SKAP2: variants seen among roughly 807,000 people sequenced by gnomAD.
SKAP2 encodes the protein src kinase associated phosphoprotein 2, also known as src kinase-associated phosphoprotein 2.
A neutral mutation model predicts 54.9 loss-of-function variants in SKAP2; 28 were observed. The ratio of observed to expected loss-of-function variants is 0.51; its 90% CI spans 0.38 to 0.70. SKAP2 has a LOEUF of 0.70. SKAP2 is among the 30% of genes least tolerant of loss of function. The probability of loss-of-function intolerance (pLI) is 0.00; values close to 1 mark genes in which losing one functional copy is unlikely to be tolerated. For missense variants in SKAP2, 356 were observed against 424.1 expected (o/e 0.84, Z 1.41); for synonymous variants, 137 against 134.3 (o/e 1.02, Z -0.14).
intron 1 of SKAP2, among the ~76,000 whole-genome samples, chr7:26,856,500 G>T (rs1785166910): frequency 6.6e-6 from 1 of 152,146 alleles, no homozygotes; most frequent in Non-Finnish European, 1.5e-5. Flanking sequence ...TAGTACCAGT[G>T]CAAATTAGAC....
chr7:26,717,068 G>A (rs1324979014), intron 9 of SKAP2, among the ~76,000 whole-genome samples: 1 of 152,172 alleles, frequency 6.6e-6, no homozygotes, highest in Non-Finnish European at 1.5e-5. Flanking sequence ...GATTCAAAGT[G>A]ATGTGTGTTT....
intron 4 of SKAP2, among the ~76,000 whole-genome samples, chr7:26,829,958 A>T (rs1784566600): frequency 6.6e-6 from 1 of 152,226 alleles, no homozygotes; most frequent in African/African-American, 2.4e-5. Context: ...ACAAATGTGC[A>T]TTATTCATAA....
chr7:26,801,013 T>TA, intron 4 of SKAP2, among the ~76,000 whole-genome samples: 1 of 151,766 alleles, frequency 6.6e-6, no homozygotes, highest in Admixed American at 6.6e-5. Context: ...GTATTACTGA[T>TA]ACCAAAACGA....
intron 11 of SKAP2, among the ~76,000 whole-genome samples, chr7:26,672,659 C>T (rs1786268195): frequency 6.6e-6 from 1 of 151,902 alleles, no homozygotes. Flanking sequence ...GAAATTAATG[C>T]ATTATGATCA....
intron 4 of SKAP2, among the ~76,000 whole-genome samples, chr7:26,823,095 A>C (rs1424198112): frequency 6.6e-6 from 1 of 152,004 alleles, no homozygotes; most frequent in Non-Finnish European, 1.5e-5. Context: ...AAGGAAAACA[A>C]AAGTGCTACT....
At chr7:26,833,541 TG>T (rs1323173768) in intron 4 of SKAP2, among the ~76,000 whole-genome samples, 2 of 151,672 alleles carry the variant, frequency 1.3e-5, no homozygotes, top group East Asian at 3.9e-4. Context: ...ACCAAGCAAA[TG>T]GAAAGCAATA....
chr7:26,676,725 TC>T (rs1400156019), intron 11 of SKAP2, among the ~76,000 whole-genome samples: 1 of 152,128 alleles, frequency 6.6e-6, no homozygotes, highest in Non-Finnish European at 1.5e-5. Context: ...CTCAAGAAGT[TC>T]AAAGTTTAGA....
At chr7:26,706,017 C>T (rs1053403950) in intron 9 of SKAP2, among the ~76,000 whole-genome samples, 1 of 152,092 alleles carries the variant, frequency 6.6e-6, no homozygotes, top group Non-Finnish European at 1.5e-5. Flanking sequence ...CTGCTAGAAA[C>T]TCAAAATATA....
intron 4 of SKAP2, among the ~76,000 whole-genome samples, chr7:26,763,039 A>G (rs1455478066): frequency 6.6e-6 from 1 of 152,200 alleles, no homozygotes; most frequent in Non-Finnish European, 1.5e-5. Context: ...AGCATTGTGC[A>G]TCTCACTGAC....
At chr7:26,759,225 C>T (rs1317585061) in intron 4 of SKAP2, among the ~76,000 whole-genome samples, 1 of 152,114 alleles carries the variant, frequency 6.6e-6, no homozygotes, top group Non-Finnish European at 1.5e-5. Context: ...ACAGCTCTAG[C>T]AACTGCTGCT....
intron 6 of SKAP2, among the ~76,000 whole-genome samples, chr7:26,731,261 A>G (rs891562959): frequency 1.3e-5 from 2 of 152,236 alleles, no homozygotes; most frequent in Non-Finnish European, 2.9e-5. Context: ...CCAAATTTTT[A>G]GCAAGCACCC....
chr7:26,728,349 G>GGA (rs1368852017), intron 6 of SKAP2, among the ~76,000 whole-genome samples: 1 of 152,072 alleles, frequency 6.6e-6, no homozygotes, highest in Non-Finnish European at 1.5e-5. Flanking sequence ...AGGCCTTCTT[G>GGA]GAGCCCTTAG....
At chr7:26,741,741 C>A (rs1487057600) in intron 4 of SKAP2, among the ~76,000 whole-genome samples, 2 of 150,822 alleles carry the variant, frequency 1.3e-5, no homozygotes, top group Non-Finnish European at 2.9e-5. Context: ...CTATTGTGTA[C>A]CCACAAAAAT....
chr7:26,713,327 T>C (rs1009728040), intron 9 of SKAP2, among the ~76,000 whole-genome samples: 3 of 152,218 alleles, frequency 2.0e-5, no homozygotes, highest in Non-Finnish European at 4.4e-5. Context: ...TCTGTAACTA[T>C]CTTAATAGGG....
rs1017188598 is a variant in SKAP2, at chr7:26,678,070, G to T, written c.987+6666C>A. On this transcript the variant is annotated intron_variant, in intron 11 of 12. Coordinates refer to ENST00000345317, the MANE Select transcript of SKAP2 (RefSeq NM_003930.5). ...CCTGGAGAAGGCACTTAATAGCTGCGTATCCTCAGATAATTTCCATAATAA... is the reference window on the plus strand; with the variant it reads ...CCTGGAGAAGGCACTTAATAGCTGCTTATCCTCAGATAATTTCCATAATAA... Among the ~76,000 whole-genome samples, 13 of 152,166 alleles carry T rather than the reference G, an allele frequency of 8.5e-5. 1 individual carries two copies. Among genetic ancestry groups the T allele is most frequent in the South Asian group, 4.1e-4 (2 of 4,826 alleles).
At chr7:26,671,347 G>T (rs556877482) in intron 11 of SKAP2, among the ~76,000 whole-genome samples, 10 of 152,124 alleles carry the variant, frequency 6.6e-5, no homozygotes, top group African/African-American at 2.2e-4. Flanking sequence ...AGATAAATGT[G>T]CATATGTATA....
chr7:26,741,388 A>ACG (rs10700195), intron 4 of SKAP2, among the ~76,000 whole-genome samples: 12,709 of 151,118 alleles, frequency 0.084, 599 homozygotes, highest in Middle Eastern at 0.16. Context: ...GTAGTGGTAT[A>ACG]CGCGCCTGCA....
At position 26,739,882 on chromosome 7, in the gene SKAP2, T is replaced by C; in HGVS notation, c.385+5A>G. On this transcript the variant is annotated splice_donor_5th_base_variant and intron_variant, in intron 5 of 12. Coordinates refer to ENST00000345317, the MANE Select transcript of SKAP2 (RefSeq NM_003930.5). ...TTACATTTTTCATTAGAACCTTCAG[T>C]TTACCTTTTCTGCGTTTTTCAAGGT... 6.3e-7 allele frequency: 1 copy of C among 1,599,770 alleles called. No homozygotes were observed. The highest frequency in any genetic ancestry group is 8.6e-7 in the Non-Finnish European group (1 of 1,168,854).
chr7:26,669,889 C>T (rs1311477724), intron 12 of SKAP2, among the ~76,000 whole-genome samples: 1 of 152,016 alleles, frequency 6.6e-6, no homozygotes, highest in Non-Finnish European at 1.5e-5. Flanking sequence ...TATTCATTTC[C>T]AAAGTAAATT....
Sources: allele counts gnomAD v4.1 joint callset (sites outside exome capture counted in the v4.1 genomes callset), GRCh38; gene constraint gnomAD v4.1.1; transcripts MANE v1.5; gene names NCBI Gene and HGNC (gene_info 2026-07-23, HGNC 2026-07-21).